Variants in STARD13 observed in about 807,000 individuals in gnomAD.
STARD13 encodes the protein stAR-related lipid transfer protein 13.
In STARD13, 62 loss-of-function variants were observed where a neutral mutation model predicts 106.4. The ratio of observed to expected loss-of-function variants is 0.58; its 90% CI spans 0.48 to 0.72. The LOEUF is 0.72. STARD13 is among the 30% of genes least tolerant of loss of function. STARD13 has a pLI of 0.00. For synonymous variants in STARD13, 565 were observed against 553.0 expected, an observed-to-expected ratio of 1.02 and a Z score of -0.31; for missense variants, 1,387 against 1,424.0, an observed-to-expected ratio of 0.97 and a Z score of 0.42.
intron 1 of STARD13, among the ~76,000 whole-genome samples, chr13:33,211,432 C>T (rs946351558): frequency 1.2e-4 from 18 of 152,038 alleles, no homozygotes; most frequent in African/African-American, 3.9e-4. Flanking sequence ...ACTTATTATG[C>T]ATATATAACA....
chr13:33,634,459 A>C, the STARD13 span, among the ~76,000 whole-genome samples: 3 of 152,200 alleles, frequency 2.0e-5, no homozygotes, highest in Non-Finnish European at 4.4e-5. Flanking sequence ...GGTGTTTTCA[A>C]AGTTTGATTT....
At chr13:33,152,625 C>T (rs969726069) in intron 3 of STARD13, among the ~76,000 whole-genome samples, 8 of 152,162 alleles carry the variant, frequency 5.3e-5, no homozygotes, top group African/African-American at 9.7e-5. Flanking sequence ...AGATAACCAT[C>T]GTGACCTACT....
At chr13:33,464,031 ATATATATATATG>A in the STARD13 span, among the ~76,000 whole-genome samples, 1 of 139,964 alleles carries the variant, frequency 7.1e-6, no homozygotes, top group East Asian at 2.0e-4. Flanking sequence ...ATACATATAT[ATATATATATATG>A]TATATGTATA....
chr13:33,221,857 G>A (rs1412411650), intron 1 of STARD13, among the ~76,000 whole-genome samples: 2 of 152,132 alleles, frequency 1.3e-5, no homozygotes, highest in African/African-American at 2.4e-5. Context: ...GCTTTAAAAA[G>A]CAAGGGCATT....
rs556800337 is a variant in STARD13 at position 33,223,387 on chromosome 13, G to A, written c.170-55765C>T. Among the ~76,000 whole-genome samples, 5 of 152,228 alleles carry A rather than the reference G, an allele frequency of 3.3e-5. No individual in the cohort carries two copies. The South Asian group carries it at 1.0e-3, about 32-fold the overall frequency. On this transcript the variant is annotated intron_variant, in intron 1 of 13. Transcript: ENST00000336934. The stretch of plus-strand genomic sequence containing the variant: ...TAAAAATACAATTATGGCCAGGCAC[G>A]GTGGCTCATGCCTGTAATCCCAGCA...
the STARD13 span, among the ~76,000 whole-genome samples, chr13:33,585,156 T>C: frequency 6.6e-6 from 1 of 152,104 alleles, no homozygotes. Flanking sequence ...ATGGAGAAAA[T>C]GAACCCTTGC....
At chr13:33,121,514 G>A (rs571065727) in intron 7 of STARD13, among the ~76,000 whole-genome samples, 3 of 151,126 alleles carry the variant, frequency 2.0e-5, no homozygotes, top group Non-Finnish European at 2.9e-5. Flanking sequence ...GTTGCAGTGA[G>A]CTGAGATTGT....
chr13:33,501,590 G>C, the STARD13 span, among the ~76,000 whole-genome samples: 1 of 152,096 alleles, frequency 6.6e-6, no homozygotes, highest in Non-Finnish European at 1.5e-5. Flanking sequence ...TCCAGTTTTA[G>C]CTTTCTGCAT....
chr13:33,501,879 C>T, the STARD13 span, among the ~76,000 whole-genome samples: 6 of 151,880 alleles, frequency 4.0e-5, no homozygotes, highest in East Asian at 1.9e-4. Context: ...TTTTTGGTTC[C>T]GTATGATCTT....
rs143386701 is a variant in STARD13 at position 33,265,032 on chromosome 13, A to G, written c.169+20438T>C. On this transcript the variant is annotated intron_variant, in intron 1 of 13. Coordinates refer to ENST00000336934, the MANE Select transcript of STARD13 (RefSeq NM_178006.4). ...AGGGGTGCTAATGAGCACAGAGATCATTCAGGATCATTTGCGCATTTTCAG... is the reference window on the plus strand; with the variant it reads ...AGGGGTGCTAATGAGCACAGAGATCGTTCAGGATCATTTGCGCATTTTCAG... Among the ~76,000 whole-genome samples the G allele has an allele frequency of 2.7e-3, 417 of 152,314 alleles. 2 individuals are homozygous for G. The highest frequency in any genetic ancestry group is 9.7e-3 in the African/African-American group (403 of 41,580).
At chr13:33,235,644 C>T (rs543060500) in intron 1 of STARD13, among the ~76,000 whole-genome samples, 20 of 152,268 alleles carry the variant, frequency 1.3e-4, no homozygotes, top group African/African-American at 4.3e-4. Context: ...GTAGCCCTGT[C>T]GAAGGGCACT....
chr13:33,440,672 A>G, the STARD13 span, among the ~76,000 whole-genome samples: 1 of 150,600 alleles, frequency 6.6e-6, no homozygotes, highest in African/African-American at 2.4e-5. Flanking sequence ...ACCTTCTTCC[A>G]GGGTGATCTC....
chr13:33,127,239 C>T, intron 6 of STARD13, 134 bp downstream of exon 6: 2 of 1,007,406 alleles, frequency 2.0e-6, no homozygotes, highest in South Asian at 4.0e-5. Context: ...GAGCTCATGC[C>T]TTATGTCCAG....
the STARD13 span, among the ~76,000 whole-genome samples, chr13:33,652,865 T>C: frequency 3.9e-4 from 60 of 152,190 alleles, no homozygotes; most frequent in East Asian, 0.01. Context: ...TGTTTCTTAA[T>C]GATACTACTT....
At chr13:33,192,058 C>T (rs933178755) in intron 1 of STARD13, among the ~76,000 whole-genome samples, 1 of 152,200 alleles carries the variant, frequency 6.6e-6, no homozygotes, top group Non-Finnish European at 1.5e-5. Context: ...GAGCTGGAGT[C>T]TCTGTTTTTT....
intron 1 of STARD13, among the ~76,000 whole-genome samples, chr13:33,256,410 G>C (rs1395903784): frequency 6.6e-6 from 1 of 152,056 alleles, no homozygotes; most frequent in African/African-American, 2.4e-5. Flanking sequence ...TGATCACCAG[G>C]TACCCAGGCC....
the STARD13 span, among the ~76,000 whole-genome samples, chr13:33,553,769 G>C: frequency 1.3e-5 from 2 of 151,512 alleles, no homozygotes; most frequent in African/African-American, 2.4e-5. Flanking sequence ...TAGTAGAGAC[G>C]GGGTTTCACC....
chr13:33,430,147 G>C, the STARD13 span, among the ~76,000 whole-genome samples: 3 of 152,174 alleles, frequency 2.0e-5, no homozygotes, highest in African/African-American at 7.2e-5. Flanking sequence ...TCGATCTCCT[G>C]ACCTAGTGAT....
chr13:33,545,363 G>A, the STARD13 span, among the ~76,000 whole-genome samples: 2 of 152,180 alleles, frequency 1.3e-5, no homozygotes, highest in Admixed American at 1.3e-4. Flanking sequence ...CCAAAGTGCT[G>A]GGATTACAGG....
Sources: allele counts gnomAD v4.1 joint callset (sites outside exome capture counted in the v4.1 genomes callset), GRCh38; gene constraint gnomAD v4.1.1; transcripts MANE v1.5; gene names NCBI Gene and HGNC (gene_info 2026-07-23, HGNC 2026-07-21).